The following LRP10 variants were observed in gnomAD, a reference collection of about 807,000 sequenced individuals.
The protein encoded by LRP10 is low-density lipoprotein receptor-related protein 10.
In LRP10, 42 loss-of-function variants were observed where a neutral mutation model predicts 58.5. The ratio of observed to expected loss-of-function variants is 0.72; its 90% CI spans 0.56 to 0.93. The LOEUF (loss-of-function observed/expected upper bound fraction) is 0.93. LRP10 is among the 40% of genes least tolerant of loss of function. The probability of loss-of-function intolerance (pLI) is 0.00; values close to 1 mark genes in which losing one functional copy is unlikely to be tolerated. For synonymous variants in LRP10, 377 were observed against 388.5 expected, an observed-to-expected ratio of 0.97 and a Z score of 0.35; for missense variants, 872 against 940.1, an observed-to-expected ratio of 0.93 and a Z score of 0.95.
Position 22,880,669 on chromosome 14 carries a change from A to G in LRP10, c.*3142A>G, listed in dbSNP as rs552969107. ...CACTAGGAGGGGAGAAGGACCCCCC[A>G]GCCACACAGCCCAAGGCTGCAGAAG... On this transcript the variant is annotated 3_prime_UTR_variant, in exon 7 of 7. Transcript: ENST00000359591. 6.6e-6 allele frequency: 1 copy of G among 152,040 alleles called. No homozygotes were observed. The highest frequency in any genetic ancestry group is 6.6e-5 in the Admixed American group (1 of 15,240). The allele number at this position is 152,040 out of a possible 1,614,324, so 9.4% of individuals were successfully genotyped here.
At position 22,877,689 on chromosome 14, in the gene LRP10, G is replaced by C; in HGVS notation, c.*162G>C. 1 of 569,488 alleles carries C rather than the reference G, an allele frequency of 1.8e-6. No homozygotes were observed. The highest frequency in any genetic ancestry group is 3.0e-6 in the Non-Finnish European group (1 of 329,088). The allele number at this position is 569,488 out of a possible 1,614,324, so 35.3% of individuals were successfully genotyped here. ...GTTGACCCTATGTAGCTGCTATAAA[G>C]TTAAGTGTCCCTCAGGCAGGGAGAG... is the stretch of plus-strand genomic sequence containing the variant. On this transcript the variant is annotated 3_prime_UTR_variant, in exon 7 of 7. Coordinates refer to ENST00000359591, the MANE Select transcript of LRP10 (RefSeq NM_014045.5). The surrounding 1 kb of genome is among the most constrained non-coding windows in gnomAD (Gnocchi z 5.1).
At position 22,879,741 on chromosome 14, in the gene LRP10, G is replaced by A. The variant is rs1285298935; in HGVS notation, c.*2214G>A. On this transcript the variant is annotated 3_prime_UTR_variant, in exon 7 of 7. Coordinates refer to ENST00000359591, the MANE Select transcript of LRP10 (RefSeq NM_014045.5). ...TCTAGGTTCTGGTTGTGTGCTGTAC[G>A]AGGTGTAGGTAGTAATAATACTCTT... The A allele has an allele frequency of 6.5e-6, 1 of 154,984 alleles. No homozygotes were observed. Among genetic ancestry groups the A allele is most frequent in the African/African-American group, 2.4e-5 (1 of 41,506 alleles). 9.6% of individuals were successfully genotyped at this position (154,984 alleles called of 1,614,324 possible).
chr14:22,874,610 G>A (rs545750046), intron 3 of LRP10, among the ~76,000 whole-genome samples: 1 of 152,186 alleles, frequency 6.6e-6, no homozygotes, highest in Non-Finnish European at 1.5e-5. Flanking sequence ...TTTGGCTGCC[G>A]GGCATGGTGG....
At position 22,872,101 on chromosome 14, in the gene LRP10, G is replaced by A. The variant is rs1595026960; in HGVS notation, c.-203G>A. On this transcript the variant is annotated 5_prime_UTR_variant, in exon 1 of 7. Coordinates refer to ENST00000359591, the MANE Select transcript of LRP10 (RefSeq NM_014045.5). ...GACGGAGAAAACAACTCCAAAGTTG[G>A]CGAAAGGCACCGCCCCTACTCCCGG... The A allele has an allele frequency of 1.3e-5, 8 of 605,410 alleles. No homozygotes were observed. In the East Asian group the frequency reaches 2.2e-4, roughly 17 times the overall value. The allele number at this position is 605,410 out of a possible 1,614,324, so 37.5% of individuals were successfully genotyped here.
Position 22,875,779 on chromosome 14 carries a change from G to GAC in LRP10, c.834_835dup (p.Leu279HisfsTer40). 6.2e-7 allele frequency: 1 copy of GAC among 1,614,226 alleles called. No homozygotes were observed. The highest frequency in any genetic ancestry group is 8.5e-7 in the Non-Finnish European group (1 of 1,180,038). ...GCAATGGCAAGGCTGTCACTGTGGA[G>GAC]ACACTGTCTGGCCAGGCTGTTGTGT... On this transcript the variant is annotated frameshift_variant, in exon 5 of 7. Coordinates refer to ENST00000359591, the MANE Select transcript of LRP10 (RefSeq NM_014045.5). LOFTEE classifies it high-confidence loss of function.
Position 22,875,637 on chromosome 14 carries a change from G to A in LRP10, c.689G>A (p.Arg230Gln), listed in dbSNP as rs779997098. Residue 230 changes from arginine (R) to glutamine (Q), a missense_variant, in exon 5 of 7, where the codon CGG becomes CAG. Coordinates refer to ENST00000359591, the MANE Select transcript of LRP10 (RefSeq NM_014045.5). ...CHWLLDPHDGRRLAVRFTALD... is the reference protein window; with the variant it reads ...CHWLLDPHDGQRLAVRFTALD... ...TGGCTGCTGGACCCCCATGATGGCC[G>A]GCGGCTGGCCGTGCGCTTCACAGCC... is the stretch of plus-strand genomic sequence containing the variant. 8.7e-6 allele frequency: 14 copies of A among 1,613,988 alleles called. No homozygotes were observed. Among genetic ancestry groups the A allele is most frequent in the African/African-American group, 2.7e-5 (2 of 74,912 alleles).
In LRP10 at chr14:22,878,997, C is replaced by G. The variant is rs748951912; in HGVS notation, c.*1470C>G. On this transcript the variant is annotated 3_prime_UTR_variant, in exon 7 of 7. Transcript: ENST00000359591. ...CAAAACTGAGGAATTCCCTAACGGA[C>G]CCAGTCCCTGGGGAAAGAGGCTCCC... The G allele has an allele frequency of 2.8e-5, 9 of 318,376 alleles. No individual in the cohort carries two copies. The highest frequency in any genetic ancestry group is 5.2e-5 in the Non-Finnish European group (8 of 152,790). 19.7% of individuals were successfully genotyped at this position (318,376 alleles called of 1,614,324 possible).
At chr14:22,873,816 T>G (rs2039978828) in intron 3 of LRP10, among the ~76,000 whole-genome samples, 1 of 152,232 alleles carries the variant, frequency 6.6e-6, no homozygotes. Context: ...CATGAGCCAC[T>G]GGGCCTGGCC....
In LRP10 at chr14:22,875,782, ACTGT is replaced by A. The variant is rs755168498; in HGVS notation, c.838_841del (p.Ser280AlafsTer37). 11 of 1,614,188 alleles carry A rather than the reference ACTGT, an allele frequency of 6.8e-6. No individual in the cohort carries two copies. Among genetic ancestry groups the A allele is most frequent in the Non-Finnish European group, 7.6e-6 (9 of 1,180,018 alleles). ...ATGGCAAGGCTGTCACTGTGGAGAC[ACTGT>A]CTGGCCAGGCTGTTGTGTCCTACCA... On this transcript the variant is annotated frameshift_variant, in exon 5 of 7. Coordinates refer to ENST00000359591, the MANE Select transcript of LRP10 (RefSeq NM_014045.5). LOFTEE classifies it high-confidence loss of function.
At position 22,877,202 on chromosome 14, in the gene LRP10, G is replaced by T; in HGVS notation, c.1817G>T (p.Gly606Val). 1 of 1,599,936 alleles carries T rather than the reference G, an allele frequency of 6.3e-7. No individual in the cohort carries two copies. The highest frequency in any genetic ancestry group is 8.5e-7 in the Non-Finnish European group (1 of 1,173,528). Residue 606 changes from glycine (G) to valine (V), a missense_variant, in exon 7 of 7, where the codon GGT becomes GTT. Coordinates refer to ENST00000359591, the MANE Select transcript of LRP10 (RefSeq NM_014045.5). This position sits in a 1 kb window ranked among gnomAD's most constrained non-coding sequence, Gnocchi z 5.1. ...CCAGCCCGTGAGGGCGGGGCAGTGG[G>T]TGGGCAAGATGGGGAGCAGGCACCC... ...TGPAREGGAV[G>V]GQDGEQAPPL... is the part of the protein sequence containing the mutation.
At position 22,876,306 on chromosome 14, in the gene LRP10, G is replaced by T; in HGVS notation, c.1358G>T (p.Gly453Val). ...GCAGTCATTGGCAGCCTAGTGTGCGGCCTGCTCCTGGTCATCGCCCTGGGC... is the reference window on the plus strand; with the variant it reads ...GCAGTCATTGGCAGCCTAGTGTGCGTCCTGCTCCTGGTCATCGCCCTGGGC... ...TAAVIGSLVC[G>V]LLLVIALGCT... The change falls in exon 5 of 7, where the codon GGC (glycine) becomes GTC (valine). Residue 453 changes from glycine (G) to valine (V), a missense_variant. Coordinates refer to ENST00000359591, the MANE Select transcript of LRP10 (RefSeq NM_014045.5). 1 of 1,614,092 alleles carries T rather than the reference G, an allele frequency of 6.2e-7. No individual in the cohort carries two copies. The highest frequency in any genetic ancestry group is 1.1e-5 in the South Asian group (1 of 91,084).
In LRP10 at chr14:22,877,415, G is replaced by C. The variant is rs1390510718; in HGVS notation, c.2030G>C (p.Gly677Ala). 6.2e-7 allele frequency: 1 copy of C among 1,613,718 alleles called. No homozygotes were observed. The highest frequency in any genetic ancestry group is 1.3e-5 in the African/African-American group (1 of 74,932). ...CCAGGACCAACCCGGAGCCCCCCTGGACCCCACACAGCAGTCCTGGCCCTG... is the reference window on the plus strand; with the variant it reads ...CCAGGACCAACCCGGAGCCCCCCTGCACCCCACACAGCAGTCCTGGCCCTG... The part of the protein sequence containing the change: ...GPPGPTRSPP[G>A]PHTAVLALED... The change falls in exon 7 of 7, where the codon GGA (glycine) becomes GCA (alanine). Residue 677 changes from glycine to alanine, a missense_variant. By Grantham distance (60) the Gly-to-Ala change is moderately conservative. Coordinates refer to ENST00000359591, the MANE Select transcript of LRP10 (RefSeq NM_014045.5). The surrounding 1 kb of genome is among the most constrained non-coding windows in gnomAD (Gnocchi z 5.1).
chr14:22,875,289 C>T (rs751101013), intron 4 of LRP10, 44 bp downstream of exon 4: 1 of 1,581,136 alleles, frequency 6.3e-7, no homozygotes, highest in Non-Finnish European at 8.6e-7. Flanking sequence ...GTGAAAGCCC[C>T]AGGCAGAAGG....
At chr14:22,872,431 C>A in intron 1 of LRP10, 94 bp downstream of exon 1, 1 of 1,449,714 alleles carries the variant, frequency 6.9e-7, no homozygotes, top group South Asian at 1.2e-5. Flanking sequence ...ATCCTGCCTG[C>A]CCATTCCCCC....
In LRP10 at chr14:22,879,199, TGAGCAA is replaced by T; in HGVS notation, c.*1677_*1682del. 4.4e-6 allele frequency: 2 copies of T among 456,622 alleles called. No individual in the cohort carries two copies. The highest frequency in any genetic ancestry group is 3.1e-5 in the South Asian group (2 of 64,568). The allele number at this position is 456,622 out of a possible 1,614,324, so 28.3% of individuals were successfully genotyped here. A position where few individuals can be genotyped will look rare whatever the true frequency, so the allele number is the denominator to read the frequency against. ...ATTGCACAATTTTCCTCTCTTCTAG[TGAGCAA>T]GAGCCTGAGGAAGTAGCAGAGAGGG... On this transcript the variant is annotated 3_prime_UTR_variant, in exon 7 of 7. Transcript: ENST00000359591.
rs763579508 is a variant in LRP10, at chr14:22,877,266, G to A, written c.1881G>A (p.Thr627=). Reference sequence around the variant, plus strand: ...AGGCTCCCCTCCCATCTGCTAGCACGTCTCCAGCCCCCACTACTGTCCCTG... The same window carrying A: ...AGGCTCCCCTCCCATCTGCTAGCACATCTCCAGCCCCCACTACTGTCCCTG... ...PIKAPLPSAS[T]SPAPTTVPEA... Residue 627 remains threonine, a synonymous_variant, in exon 7 of 7, where the codon ACG becomes ACA. Coordinates refer to ENST00000359591, the MANE Select transcript of LRP10 (RefSeq NM_014045.5). This position sits in a 1 kb window ranked among gnomAD's most constrained non-coding sequence, Gnocchi z 5.1. The A allele has an allele frequency of 9.9e-6, 16 of 1,611,198 alleles. No homozygotes were observed. Among genetic ancestry groups the A allele is most frequent in the Admixed American group, 5.0e-5 (3 of 59,688 alleles).
Position 22,878,083 on chromosome 14 carries a change from A to G in LRP10, c.*556A>G, listed in dbSNP as rs1472494172. ...AAAATAAAGGAATCATACATCTCAA[A>G]ATTTTGCAAATTAGCTGCGAGCCTG... On this transcript the variant is annotated 3_prime_UTR_variant, in exon 7 of 7. Coordinates refer to ENST00000359591, the MANE Select transcript of LRP10 (RefSeq NM_014045.5). The G allele has an allele frequency of 6.6e-6, 1 of 152,170 alleles. No homozygotes were observed. Among genetic ancestry groups the G allele is most frequent in the Non-Finnish European group, 1.5e-5 (1 of 68,080 alleles). The allele number at this position is 152,170 out of a possible 1,614,324, so 9.4% of individuals were successfully genotyped here.
In LRP10 at chr14:22,873,425, AG is replaced by A. The variant is rs765650995; in HGVS notation, c.196del (p.Glu66AsnfsTer20). The A allele has an allele frequency of 6.2e-7, 1 of 1,614,108 alleles. No individual in the cohort carries two copies. Among genetic ancestry groups the A allele is most frequent in the Non-Finnish European group, 8.5e-7 (1 of 1,180,006 alleles). On this transcript the variant is annotated frameshift_variant, in exon 3 of 7. Coordinates refer to ENST00000359591, the MANE Select transcript of LRP10 (RefSeq NM_014045.5). LOFTEE classifies it high-confidence loss of function. ...ANCTWLILGS[K>X]EQTVTIRFQK... ...TGCACCTGGCTCATCCTGGGCAGCA[AG>A]GAACAGACTGTCACCATCAGGTGAG...
intron 5 of LRP10, 127 bp downstream of exon 5, chr14:22,876,499 T>A: frequency 7.4e-7 from 1 of 1,358,232 alleles, no homozygotes; most frequent in East Asian, 2.3e-5. Context: ...GTCAGTTGTG[T>A]CCTGTAAGGG....
Sources: allele counts gnomAD v4.1 joint callset (sites outside exome capture counted in the v4.1 genomes callset), GRCh38; gene constraint gnomAD v4.1.1; non-coding constraint Gnocchi (gnomAD v3.1); transcripts MANE v1.5; gene names NCBI Gene and HGNC (gene_info 2026-07-23, HGNC 2026-07-21).